PLD1: variants seen among roughly 807,000 people sequenced by gnomAD.
PLD1 encodes choline phosphatase 1.
A neutral mutation model predicts 137.1 loss-of-function variants in PLD1; 112 were observed. The observed-to-expected ratio is 0.82, with a 90% confidence interval of 0.70 to 0.96. The LOEUF (loss-of-function observed/expected upper bound fraction) is 0.96, where lower values mean the gene tolerates loss of function less well. PLD1 is among the 40% of genes least tolerant of loss of function. The pLI is 0.00. For missense variants in PLD1, 1,321 were observed against 1,342.0 expected (o/e 0.98, Z 0.24); for synonymous variants, 431 against 454.7 (o/e 0.95, Z 0.66).
rs1359550075 is a variant in PLD1, at chr3:171,652,139, C to T, written c.2429+7074G>A. Reference sequence around the variant, plus strand: ...TTAGATAAAATGTGTTTTGGCCAGGCGCGGTGGCTCATGCCTGTAATCCCA... The same window carrying T: ...TTAGATAAAATGTGTTTTGGCCAGGTGCGGTGGCTCATGCCTGTAATCCCA... On this transcript the variant is annotated intron_variant, in intron 21 of 26. Coordinates refer to ENST00000351298, the MANE Select transcript of PLD1 (RefSeq NM_002662.5). Among the ~76,000 whole-genome samples the T allele has an allele frequency of 6.6e-5, 10 of 152,126 alleles. No homozygotes were observed. In the East Asian group the frequency reaches 1.6e-3, roughly 24 times the overall value.
chr3:171,656,837 G>A (rs1737244512), intron 21 of PLD1, among the ~76,000 whole-genome samples: 3 of 152,234 alleles, frequency 2.0e-5, no homozygotes, highest in Admixed American at 2.0e-4. Context: ...CTCCAGGTAT[G>A]AAAAGTATGG....
rs573639737 is a variant in PLD1 at position 171,647,480 on chromosome 3, G to A, written c.2430-2457C>T. ...TTTTTTTATTTTGAGATAGAGTTTC[G>A]CTCTTGTTGCCCAGGCTGGAGTGCA... On this transcript the variant is annotated intron_variant, in intron 21 of 26. Transcript: ENST00000351298. 3.3e-4 allele frequency among the ~76,000 whole-genome samples: 50 copies of A among 149,416 alleles called. No homozygotes were observed. The South Asian group carries it at 7.4e-3, about 22-fold the overall frequency.
intron 1 of PLD1, among the ~76,000 whole-genome samples, chr3:171,764,843 G>GA (rs1242175670): frequency 7.4e-5 from 1 of 13,586 alleles, no homozygotes; most frequent in Non-Finnish European, 1.7e-4. Flanking sequence ...AAGAAAGAAA[G>GA]AAAGAAAGAA....
chr3:171,671,894 G>T (rs1400692256), intron 19 of PLD1, among the ~76,000 whole-genome samples: 1 of 150,522 alleles, frequency 6.6e-6, no homozygotes, highest in East Asian at 1.9e-4. Context: ...CATGCTTCTT[G>T]CCCAATCGAA....
chr3:171,782,422 T>G (rs1171393247), intron 1 of PLD1, among the ~76,000 whole-genome samples: 2 of 152,206 alleles, frequency 1.3e-5, no homozygotes, highest in African/African-American at 4.8e-5. Flanking sequence ...AAGAGAACTA[T>G]AAACAAATAG....
At chr3:171,719,027 G>A (rs1198098723) in intron 8 of PLD1, among the ~76,000 whole-genome samples, 1 of 152,098 alleles carries the variant, frequency 6.6e-6, no homozygotes, top group African/African-American at 2.4e-5. Flanking sequence ...CCCCTTCTCA[G>A]CCTCATCTAC....
intron 19 of PLD1, among the ~76,000 whole-genome samples, chr3:171,671,731 C>G (rs1325702594): frequency 1.3e-5 from 2 of 151,702 alleles, no homozygotes; most frequent in Non-Finnish European, 2.9e-5. Context: ...TACACTGTAG[C>G]ATAAAAAAGG....
chr3:171,747,763 T>G (rs1042624926), intron 1 of PLD1, among the ~76,000 whole-genome samples: 3 of 152,182 alleles, frequency 2.0e-5, no homozygotes, highest in Non-Finnish European at 4.4e-5. Context: ...AACAGACCTA[T>G]GAAGTAACTG....
Position 171,639,820 on chromosome 3 carries a change from TTC to T in PLD1, c.2593+3018_2593+3019del, listed in dbSNP as rs778938858. On this transcript the variant is annotated intron_variant, in intron 23 of 26. Coordinates refer to ENST00000351298, the MANE Select transcript of PLD1 (RefSeq NM_002662.5). ...GGCTGAGAAGTTATATTTACATAAT[TTC>T]TCTCTCTCTCTCTCTCTCTCTCTCT... Among the ~76,000 whole-genome samples, 203 of 117,944 alleles carry T rather than the reference TTC, an allele frequency of 1.7e-3. 2 individuals are homozygous for T. Among genetic ancestry groups the T allele is most frequent in the South Asian group, 0.014 (58 of 4,024 alleles). The allele number at this position is 117,944 out of a possible 152,430, so 77.4% of individuals were successfully genotyped here. A position where few individuals can be genotyped will look rare whatever the true frequency, so the allele number is the denominator to read the frequency against.
intron 23 of PLD1, among the ~76,000 whole-genome samples, chr3:171,637,458 C>G (rs1735231851): frequency 6.6e-6 from 1 of 152,072 alleles, no homozygotes; most frequent in Non-Finnish European, 1.5e-5. Context: ...TGGTCTCGAT[C>G]TCTTGACCTC....
At chr3:171,747,376 A>G (rs75242785) in intron 1 of PLD1, among the ~76,000 whole-genome samples, 23,557 of 152,038 alleles carry the variant, frequency 0.15, 1,912 homozygotes, top group South Asian at 0.22. Flanking sequence ...ATGATGTTCT[A>G]TGTGATGGAG....
At chr3:171,718,741 G>A (rs1217559120) in intron 8 of PLD1, among the ~76,000 whole-genome samples, 1 of 152,082 alleles carries the variant, frequency 6.6e-6, no homozygotes, top group Non-Finnish European at 1.5e-5. Flanking sequence ...TTCAGTAATT[G>A]AGCATGATGT....
intron 21 of PLD1, among the ~76,000 whole-genome samples, chr3:171,651,323 G>GGTGTGT (rs3050440): frequency 6.7e-6 from 1 of 150,286 alleles, no homozygotes; most frequent in Non-Finnish European, 1.5e-5. Flanking sequence ...TAGGGCTTAG[G>GGTGTGT]GTGTGTGTGT....
chr3:171,647,177 A>G (rs80226067), intron 21 of PLD1, among the ~76,000 whole-genome samples: 2 of 152,308 alleles, frequency 1.3e-5, no homozygotes, highest in African/African-American at 4.8e-5. Context: ...GTAGTACCCA[A>G]TCAAAGACCC....
chr3:171,762,279 C>T (rs555509603), intron 1 of PLD1, among the ~76,000 whole-genome samples: 2 of 152,328 alleles, frequency 1.3e-5, no homozygotes, highest in African/African-American at 4.8e-5. Context: ...TTCTTCAGCC[C>T]TCAGTTAATC....
chr3:171,747,784 C>A (rs748039955), intron 1 of PLD1, among the ~76,000 whole-genome samples: 61 of 152,166 alleles, frequency 4.0e-4, no homozygotes, highest in Admixed American at 3.6e-3. Flanking sequence ...CTGTTCTTAG[C>A]CCCTTTTAAG....
intron 6 of PLD1, among the ~76,000 whole-genome samples, chr3:171,730,730 C>G (rs1718878377): frequency 6.6e-6 from 1 of 151,108 alleles, no homozygotes. Flanking sequence ...CCTCCGCCTC[C>G]CGGGTTCAAG....
At chr3:171,751,982 G>A (rs2108292335) in intron 1 of PLD1, among the ~76,000 whole-genome samples, 1 of 148,228 alleles carries the variant, frequency 6.7e-6, no homozygotes, top group East Asian at 2.0e-4. Context: ...CAGCCTGGGC[G>A]ACAGAGCGAG....
chr3:171,764,961 AGAAAGAAAG>A (rs1721848343), intron 1 of PLD1, among the ~76,000 whole-genome samples: 1 of 88,518 alleles, frequency 1.1e-5, no homozygotes, highest in African/African-American at 3.5e-5. Flanking sequence ...AAAGAAAGAA[AGAAAGAAAG>A]AAAGAAAGAA....
Sources: allele counts gnomAD v4.1 joint callset (sites outside exome capture counted in the v4.1 genomes callset), GRCh38; gene constraint gnomAD v4.1.1; transcripts MANE v1.5; gene names NCBI Gene and HGNC (gene_info 2026-07-23, HGNC 2026-07-21).